Variants in NLRP14 observed in about 807,000 individuals in gnomAD.
NLRP14 encodes the protein NLR family pyrin domain containing 14, also known as NACHT, LRR and PYD domains-containing protein 14.
Under a neutral mutation model 94.7 loss-of-function variants are expected in NLRP14, and 105 were observed. That is an observed-to-expected ratio of 1.11 (90% CI 0.95 to 1.30). The LOEUF (loss-of-function observed/expected upper bound fraction) is 1.30. Among genes scored for constraint, NLRP14 ranks in the 50% most tolerant of loss-of-function variants. The pLI is 0.00. For missense variants in NLRP14, 1,362 were observed against 1,254.1 expected (o/e 1.09, Z -1.30); for synonymous variants, 508 against 459.9 (o/e 1.10, Z -1.34).
intron 6 of NLRP14, among the ~76,000 whole-genome samples, chr11:7,050,274 A>G (rs1267110995): frequency 2.0e-5 from 3 of 152,152 alleles, no homozygotes; most frequent in African/African-American, 7.2e-5. Flanking sequence ...CTCCCCCTCA[A>G]TTTAGAACTT....
chr11:7,032,784 T>C (rs916222961), intron 1 of NLRP14, among the ~76,000 whole-genome samples: 15 of 152,210 alleles, frequency 9.9e-5, no homozygotes, highest in Admixed American at 2.0e-4. Flanking sequence ...ATTTGTATCA[T>C]GTCATTTTAG....
chr11:7,058,247 T>G, intron 7 of NLRP14, 33 bp from the exon 8 acceptor site: 3 of 1,591,932 alleles, frequency 1.9e-6, no homozygotes, highest in Non-Finnish European at 2.6e-6. Flanking sequence ...CTTTGGGAAT[T>G]GACAGATCTC....
chr11:7,020,464 C>T (rs978104487), upstream of NLRP14: 1 of 152,274 alleles, frequency 6.6e-6, no homozygotes, highest in African/African-American at 2.4e-5. Flanking sequence ...CGCCTCCCGA[C>T]CTTTGGCCGC....
chr11:7,086,691 A>T, the NLRP14 span, among the ~76,000 whole-genome samples: 1 of 152,004 alleles, frequency 6.6e-6, no homozygotes, highest in Non-Finnish European at 1.5e-5. Flanking sequence ...TTTGATCTTG[A>T]TCCTATCATT....
downstream of NLRP14, among the ~76,000 whole-genome samples, chr11:7,076,424 A>T (rs893531713): frequency 6.6e-5 from 10 of 152,000 alleles, no homozygotes; most frequent in Non-Finnish European, 1.5e-4. Context: ...CTTTAAATTT[A>T]TTCTGTTAGT....
chr11:7,031,099 G>T (rs774478913), intron 1 of NLRP14, among the ~76,000 whole-genome samples: 1 of 152,214 alleles, frequency 6.6e-6, no homozygotes, highest in Non-Finnish European at 1.5e-5. Context: ...GGAAGGTGAG[G>T]CATTAAGGGC....
intron 10 of NLRP14, among the ~76,000 whole-genome samples, chr11:7,068,634 A>G (rs184632453): frequency 1.3e-5 from 2 of 152,294 alleles, no homozygotes; most frequent in Admixed American, 6.5e-5. Context: ...ACTTAAGAAC[A>G]CAAAAAATTG....
chr11:7,076,346 T>C (rs1258463603), downstream of NLRP14, among the ~76,000 whole-genome samples: 1 of 152,208 alleles, frequency 6.6e-6, no homozygotes, highest in Non-Finnish European at 1.5e-5. Flanking sequence ...TTAGTTTTTT[T>C]TATTCTTTAT....
chr11:7,048,053 C>A (rs1852386016), intron 5 of NLRP14, among the ~76,000 whole-genome samples: 2 of 152,170 alleles, frequency 1.3e-5, no homozygotes, highest in African/African-American at 4.8e-5. Context: ...AGCCACCACA[C>A]CTGGCTATAT....
Position 7,043,080 on chromosome 11 carries a change from G to A in NLRP14, c.1054G>A (p.Val352Ile). The change falls in exon 4 of 12, where the codon GTA (valine) becomes ATA (isoleucine). Residue 352 changes from valine (V) to isoleucine (I), a missense_variant. Val to Ile is a conservative substitution (Grantham distance 29). Transcript: ENST00000299481. ...FFEDKRWAMK[V>I]FSSLKSNEML... ...TGAAGATAAGAGGTGGGCCATGAAA[G>A]TATTCAGTTCACTAAAAAGCAATGA... 1 of 1,614,134 alleles carries A rather than the reference G, an allele frequency of 6.2e-7. No homozygotes were observed. The highest frequency in any genetic ancestry group is 8.5e-7 in the Non-Finnish European group (1 of 1,180,028).
intron 4 of NLRP14, 119 bp downstream of exon 4, chr11:7,044,103 C>T: frequency 1.0e-6 from 1 of 982,484 alleles, no homozygotes; most frequent in South Asian, 1.4e-5. Flanking sequence ...TGGAGTTGTC[C>T]CATCTTGAGG....
chr11:7,042,567 C>T lies in NLRP14; in HGVS notation c.541C>T (p.Leu181Phe). 4.3e-6 allele frequency: 7 copies of T among 1,614,222 alleles called. No individual in the cohort carries two copies. Among genetic ancestry groups the T allele is most frequent in the Non-Finnish European group, 5.9e-6 (7 of 1,180,034 alleles). The change falls in exon 4 of 12, where the codon CTT (leucine) becomes TTT (phenylalanine). Residue 181 changes from leucine to phenylalanine, a missense_variant. By Grantham distance (22) the Leu-to-Phe change is conservative. Coordinates refer to ENST00000299481, the MANE Select transcript of NLRP14 (RefSeq NM_176822.4). ...KTGAQPQIVV[L>F]QGAAGVGKTT... Reference sequence around the variant, plus strand: ...CGGTGCACAGCCACAGATCGTGGTGCTTCAGGGAGCTGCTGGAGTTGGGAA... The same window carrying T: ...CGGTGCACAGCCACAGATCGTGGTGTTTCAGGGAGCTGCTGGAGTTGGGAA...
rs755120528 is a variant in NLRP14, at chr11:7,057,706, G to A, written c.2321G>A (p.Cys774Tyr). 1 of 1,612,656 alleles carries A rather than the reference G, an allele frequency of 6.2e-7. No individual in the cohort carries two copies. The highest frequency in any genetic ancestry group is 1.1e-5 in the South Asian group (1 of 91,050). Reference protein sequence around the residue: ...RLESCNLTVFCCLNISNALIR... With the variant: ...RLESCNLTVFYCLNISNALIR... ...GAATCTTGCAACCTAACTGTATTTT[G>A]TTGTCTAAATATATCTAATGCTCTC... The change falls in exon 7 of 12, where the codon TGT (cysteine) becomes TAT (tyrosine). Residue 774 changes from cysteine to tyrosine, a missense_variant. Cys to Tyr is a radical substitution (Grantham distance 194). Transcript: ENST00000299481.
rs1313908624 is a variant in NLRP14 at position 7,057,742 on chromosome 11, A to G, written c.2357A>G (p.Gln786Arg). Residue 786 changes from glutamine (Q) to arginine (R), a missense_variant, in exon 7 of 12, where the codon CAG becomes CGG. Transcript: ENST00000299481. ...ATATCTAATGCTCTCATCAGAAGCC[A>G]GAGCCTGATATTTCTGAATCTGTCA... Reference protein sequence around the residue: ...LNISNALIRSQSLIFLNLSTN... With the variant: ...LNISNALIRSRSLIFLNLSTN... 3 of 1,612,226 alleles carry G rather than the reference A, an allele frequency of 1.9e-6. No individual in the cohort carries two copies. The Admixed American group carries it at 5.0e-5, about 27-fold the overall frequency.
chr11:7,074,291 C>T (rs577539395), downstream of NLRP14, among the ~76,000 whole-genome samples: 34 of 152,278 alleles, frequency 2.2e-4, no homozygotes, highest in African/African-American at 7.9e-4. Context: ...TACTGCTGCT[C>T]ACATTTGGCA....
the NLRP14 span, among the ~76,000 whole-genome samples, chr11:7,082,297 T>G: frequency 1.3e-5 from 2 of 151,992 alleles, no homozygotes; most frequent in Non-Finnish European, 2.9e-5. Flanking sequence ...TGGTATTATA[T>G]TTTTTACCAA....
rs1469357111 is a variant in NLRP14, at chr11:7,042,555, C to G, written c.529C>G (p.Gln177Glu). ...DVDVKTGAQP[Q>E]IVVLQGAAGV... ...GGATGTCAAAACCGGTGCACAGCCA[C>G]AGATCGTGGTGCTTCAGGGAGCTGC... Residue 177 changes from glutamine to glutamate, a missense_variant, in exon 4 of 12, where the codon CAG (glutamine) becomes GAG (glutamate). Coordinates refer to ENST00000299481, the MANE Select transcript of NLRP14 (RefSeq NM_176822.4). 6.2e-7 allele frequency: 1 copy of G among 1,614,226 alleles called. No individual in the cohort carries two copies. Among genetic ancestry groups the G allele is most frequent in the Admixed American group, 1.7e-5 (1 of 60,022 alleles).
chr11:7,038,949 G>A (rs1589860169), intron 2 of NLRP14, 74 bp downstream of exon 2: 4 of 1,442,252 alleles, frequency 2.8e-6, no homozygotes, highest in Non-Finnish European at 3.8e-6. Context: ...GAATGTTTCT[G>A]TAAGAGGGAT....
the NLRP14 span, among the ~76,000 whole-genome samples, chr11:7,087,110 G>A: frequency 2.6e-5 from 4 of 152,162 alleles, no homozygotes; most frequent in Non-Finnish European, 5.9e-5. Context: ...GGGCCTGGAT[G>A]GAGTCACACT....
Sources: gnomAD v4.1 joint callset for allele counts (sites outside exome capture counted in the v4.1 genomes callset) on GRCh38, gnomAD v4.1.1 for gene constraint, MANE v1.5 for transcripts, NCBI Gene and HGNC (gene_info 2026-07-23, HGNC 2026-07-21) for gene names.